The following CREBRF variants were observed in gnomAD, a reference collection of about 807,000 sequenced individuals.
CREBRF encodes the protein CREB3 regulatory factor, also known as UPF0474 protein C5orf41.
CREBRF carries 5 observed loss-of-function variants against 66.1 expected under a neutral mutation model. The ratio of observed to expected loss-of-function variants is 0.08; its 90% CI spans 0.04 to 0.16. CREBRF has a LOEUF of 0.16. Among genes scored for constraint, CREBRF ranks in the 10% least tolerant of loss-of-function variants. The probability of loss-of-function intolerance (pLI) is 1.00; values close to 1 mark genes in which losing one functional copy is unlikely to be tolerated. For synonymous variants in CREBRF, 229 were observed against 264.4 expected, an observed-to-expected ratio of 0.87 and a Z score of 1.30; for missense variants, 531 against 744.9, an observed-to-expected ratio of 0.71 and a Z score of 3.34.
chr5:173,123,880 C>T (rs1050041899), intron 8 of CREBRF: 1 of 152,212 alleles, frequency 6.6e-6, no homozygotes, highest in Non-Finnish European at 1.5e-5. Flanking sequence ...AGACCCTAAT[C>T]GCCAGTATTT....
chr5:173,099,073 A>G (rs1311330267), intron 4 of CREBRF, among the ~76,000 whole-genome samples: 1 of 152,038 alleles, frequency 6.6e-6, no homozygotes, highest in Non-Finnish European at 1.5e-5. Context: ...ATTTTGTCTG[A>G]TGTAAGTATA....
intron 7 of CREBRF, among the ~76,000 whole-genome samples, chr5:173,115,003 C>G (rs1758952465): frequency 6.6e-6 from 1 of 152,206 alleles, no homozygotes; most frequent in Non-Finnish European, 1.5e-5. Flanking sequence ...TCCCTTTTCT[C>G]TCCCTGCCCC....
intron 4 of CREBRF, among the ~76,000 whole-genome samples, chr5:173,096,732 G>A (rs979368144): frequency 2.6e-5 from 4 of 151,746 alleles, no homozygotes; most frequent in African/African-American, 4.8e-5. Context: ...GTTGAGGTAC[G>A]TTCCTTTTAT....
chr5:173,105,699 C>T (rs547201946), intron 4 of CREBRF, among the ~76,000 whole-genome samples: 2 of 151,656 alleles, frequency 1.3e-5, no homozygotes, highest in East Asian at 3.9e-4. Context: ...TTCCTGACCT[C>T]GTGATCTACC....
chr5:173,098,672 A>G (rs1758538314), intron 4 of CREBRF, among the ~76,000 whole-genome samples: 1 of 151,980 alleles, frequency 6.6e-6, no homozygotes, highest in Non-Finnish European at 1.5e-5. Context: ...CTGATGATCT[A>G]TCCATTGTTG....
intron 8 of CREBRF, among the ~76,000 whole-genome samples, chr5:173,133,070 ATACT>A (rs1252960354): frequency 6.6e-6 from 1 of 152,220 alleles, no homozygotes; most frequent in Non-Finnish European, 1.5e-5. Context: ...GAAAATCTAC[ATACT>A]TATGCTGCTC....
chr5:173,078,143 G>A (rs577136835), intron 1 of CREBRF, among the ~76,000 whole-genome samples: 6 of 152,292 alleles, frequency 3.9e-5, no homozygotes, highest in South Asian at 2.1e-4. Flanking sequence ...ATACCAAACC[G>A]TTTCCCACAC....
chr5:173,091,580 CT>C (rs1758341369), intron 4 of CREBRF, 179 bp downstream of exon 4: 6 of 1,392,602 alleles, frequency 4.3e-6, no homozygotes, highest in East Asian at 2.6e-5. Context: ...AAAATGATCA[CT>C]TTTGCTCACA....
Position 173,086,500 on chromosome 5 carries a change from GC to G in CREBRF, c.11del (p.Pro4LeufsTer3), listed in dbSNP as rs748514438. 2 of 1,613,318 alleles carry G rather than the reference GC, an allele frequency of 1.2e-6. No individual in the cohort carries two copies. The highest frequency in any genetic ancestry group is 1.7e-6 in the Non-Finnish European group (2 of 1,179,592). MPQPSVSGMDPPFG... is the reference protein window; with the variant it reads MPQXSVSGMDPPFG... ...CTAAAATAAAAATCACTCTGTTGTA[GC>G]CTAGTGTAAGCGGAATGGATCCGCC... On this transcript the variant is annotated frameshift_variant and splice_region_variant, in exon 3 of 9. Transcript: ENST00000296953. LOFTEE classifies it high-confidence loss of function.
chr5:173,097,708 T>A (rs1366473388), intron 4 of CREBRF, among the ~76,000 whole-genome samples: 4 of 152,174 alleles, frequency 2.6e-5, no homozygotes, highest in African/African-American at 9.7e-5. Flanking sequence ...CCTTAATGAT[T>A]CTTTGCATTT....
intron 1 of CREBRF, among the ~76,000 whole-genome samples, chr5:173,076,909 C>T (rs1350889291): frequency 1.3e-5 from 2 of 150,660 alleles, no homozygotes; most frequent in Admixed American, 6.6e-5. Flanking sequence ...CAAAGTAGAC[C>T]ATAGTATATT....
At chr5:173,118,307 C>T (rs1178486128) in intron 7 of CREBRF, among the ~76,000 whole-genome samples, 1 of 152,204 alleles carries the variant, frequency 6.6e-6, no homozygotes, top group Non-Finnish European at 1.5e-5. Flanking sequence ...AGCCACCATG[C>T]CTGGCCCTCA....
chr5:173,060,091 T>C (rs990109795), intron 1 of CREBRF, among the ~76,000 whole-genome samples: 9 of 152,100 alleles, frequency 5.9e-5, no homozygotes, highest in African/African-American at 1.9e-4. Flanking sequence ...TGAAGTACAG[T>C]AAGTTTGTGT....
At position 173,108,651 on chromosome 5, in the gene CREBRF, T is replaced by G; in HGVS notation, c.1250T>G (p.Leu417Arg). Residue 417 changes from leucine to arginine, a missense_variant, in exon 5 of 9, where the codon CTG (leucine) becomes CGG (arginine). Physicochemically the swap from Leu to Arg is moderately radical, Grantham distance 102 (BLOSUM62 -2). Transcript: ENST00000296953. ...TATGAAAATGATTCTGTAGAAGACC[T>G]GAAGGAGGTGACTTCAATATCTTCA... is the stretch of plus-strand genomic sequence containing the variant. ...PGYENDSVED[L>R]KEVTSISSRK... 6 of 1,612,816 alleles carry G rather than the reference T, an allele frequency of 3.7e-6. No individual in the cohort carries two copies. Among genetic ancestry groups the G allele is most frequent in the African/African-American group, 2.7e-5 (2 of 75,000 alleles).
rs2113824150 is a variant in CREBRF at position 173,138,783 on chromosome 5, CTG to C, written c.*5040_*5041del. On this transcript the variant is annotated 3_prime_UTR_variant, in exon 9 of 9. Transcript: ENST00000296953. ...GCCTTTCCACCACATTTTTATGACA[CTG>C]TATTCCACTGCCTGCTTTTTTACCT... 6.6e-6 allele frequency: 1 copy of C among 152,248 alleles called. No homozygotes were observed. The highest frequency in any genetic ancestry group is 2.4e-5 in the African/African-American group (1 of 41,532). The allele number at this position is 152,248 out of a possible 1,614,324, so 9.4% of individuals were successfully genotyped here. A position where few individuals can be genotyped will look rare whatever the true frequency, so the allele number is the denominator to read the frequency against.
chr5:173,077,558 A>G (rs1481698598), intron 1 of CREBRF, among the ~76,000 whole-genome samples: 1 of 151,812 alleles, frequency 6.6e-6, no homozygotes. Flanking sequence ...ATGCCTGGCT[A>G]ATTTTTGTAT....
intron 1 of CREBRF, among the ~76,000 whole-genome samples, chr5:173,068,473 G>A (rs558126274): frequency 6.6e-6 from 1 of 152,332 alleles, no homozygotes; most frequent in South Asian, 2.1e-4. Flanking sequence ...GGTGAAGCCA[G>A]TATAATGAAC....
chr5:173,089,041 T>C (rs1021814274), intron 3 of CREBRF, among the ~76,000 whole-genome samples: 1 of 151,598 alleles, frequency 6.6e-6, no homozygotes, highest in Non-Finnish European at 1.5e-5. Flanking sequence ...TAGCTGGGCA[T>C]GGTGGCACGT....
intron 4 of CREBRF, 87 bp downstream of exon 4, chr5:173,091,488 A>G: frequency 6.6e-7 from 1 of 1,520,314 alleles, no homozygotes; most frequent in East Asian, 2.3e-5. Context: ...TTGTTTGGAT[A>G]ATTTCTTTAT....
Sources: gnomAD v4.1 joint callset for allele counts (sites outside exome capture counted in the v4.1 genomes callset) on GRCh38, gnomAD v4.1.1 for gene constraint, MANE v1.5 for transcripts, NCBI Gene and HGNC (gene_info 2026-07-23, HGNC 2026-07-21) for gene names.